SOX5: variants seen among roughly 807,000 people sequenced by gnomAD.
The protein encoded by SOX5 is transcription factor SOX-5.
SOX5 carries 9 observed loss-of-function variants against 92.0 expected under a neutral mutation model. That is an observed-to-expected ratio of 0.10 (90% CI 0.06 to 0.17). The LOEUF (loss-of-function observed/expected upper bound fraction) is 0.17. Ranked by LOEUF, SOX5 falls within the 10% of genes least tolerant of loss-of-function variation. The pLI is 1.00. For missense variants in SOX5, 642 were observed against 944.5 expected, an observed-to-expected ratio of 0.68 and a Z score of 4.20; for synonymous variants, 344 against 336.3, an observed-to-expected ratio of 1.02 and a Z score of -0.25.
At chr12:23,604,366 G>A (rs777632655) in intron 9 of SOX5, 21 bp downstream of exon 9, 1 of 1,612,940 alleles carries the variant, frequency 6.2e-7, no homozygotes, top group Non-Finnish European at 8.5e-7. Flanking sequence ...TGGCAAGACA[G>A]TGGCTTCTTC....
chr12:24,369,296 T>C (rs1365092041), intron 1 of SOX5, among the ~76,000 whole-genome samples: 1 of 152,194 alleles, frequency 6.6e-6, no homozygotes, highest in Non-Finnish European at 1.5e-5. Context: ...CAATGTGATT[T>C]ACAGTGGGTG....
intron 6 of SOX5, among the ~76,000 whole-genome samples, chr12:23,668,037 T>C (rs899296055): frequency 1.3e-5 from 2 of 152,186 alleles, no homozygotes; most frequent in Admixed American, 6.5e-5. Context: ...AACAATTTTG[T>C]TGGTAATTTT....
intron 4 of SOX5, among the ~76,000 whole-genome samples, chr12:24,018,876 T>C (rs1027311514): frequency 3.9e-5 from 6 of 152,190 alleles, no homozygotes; most frequent in African/African-American, 1.4e-4. Flanking sequence ...TTCAGTGTCC[T>C]TTCCTTTAGA....
At chr12:23,748,882 T>C (rs1252008731) in intron 4 of SOX5, among the ~76,000 whole-genome samples, 2 of 151,980 alleles carry the variant, frequency 1.3e-5, no homozygotes, top group Non-Finnish European at 2.9e-5. Flanking sequence ...GGCTATAAGC[T>C]CTAGGAGGGC....
At chr12:24,076,262 C>A (rs969099180) in intron 4 of SOX5, among the ~76,000 whole-genome samples, 1 of 152,102 alleles carries the variant, frequency 6.6e-6, no homozygotes, top group African/African-American at 2.4e-5. Context: ...CCTTGTAAAC[C>A]CACAAAACCC....
chr12:24,290,675 T>C (rs1946521041), intron 2 of SOX5, among the ~76,000 whole-genome samples: 1 of 152,142 alleles, frequency 6.6e-6, no homozygotes. Flanking sequence ...TATAAAGGCA[T>C]GGTCCCTGCT....
chr12:24,348,795 A>G (rs367894642), intron 2 of SOX5, among the ~76,000 whole-genome samples: 1 of 152,088 alleles, frequency 6.6e-6, no homozygotes, highest in African/African-American at 2.4e-5. Context: ...GAAGTAATTG[A>G]ATCATGGGGG....
At chr12:23,992,495 A>G (rs1485092104) in intron 4 of SOX5, among the ~76,000 whole-genome samples, 1 of 152,172 alleles carries the variant, frequency 6.6e-6, no homozygotes, top group African/African-American at 2.4e-5. Flanking sequence ...GTGAATTTCT[A>G]AAATAATAAT....
intron 4 of SOX5, among the ~76,000 whole-genome samples, chr12:24,008,987 A>T (rs1316324599): frequency 2.0e-5 from 3 of 152,222 alleles, no homozygotes; most frequent in Admixed American, 6.5e-5. Context: ...GGAAGAAGTC[A>T]CTTGCCCTGT....
chr12:23,573,125 C>T (rs1948619024), intron 10 of SOX5, among the ~76,000 whole-genome samples: 1 of 152,074 alleles, frequency 6.6e-6, no homozygotes, highest in Admixed American at 6.6e-5. Flanking sequence ...CTATACATGT[C>T]TTTTGCACTT....
chr12:24,562,450 G>C (rs73293674), exon 1 of SOX5: 2,511 of 152,056 alleles, frequency 0.017, 68 homozygotes, highest in African/African-American at 0.058. Flanking sequence ...TTTTCACTCT[G>C]TGTGTGTGTG....
chr12:23,665,327 T>A, intron 7 of SOX5, 117 bp downstream of exon 7: 1 of 1,155,740 alleles, frequency 8.7e-7, no homozygotes, highest in South Asian at 1.3e-5. Flanking sequence ...TGTTTCCTCT[T>A]TAAAATAAAA....
intron 4 of SOX5, among the ~76,000 whole-genome samples, chr12:24,112,654 C>T (rs954759909): frequency 6.6e-6 from 1 of 151,156 alleles, no homozygotes; most frequent in Non-Finnish European, 1.5e-5. Context: ...CTTTAGCCTC[C>T]TGAGTAGCTG....
intron 4 of SOX5, among the ~76,000 whole-genome samples, chr12:23,990,941 C>T (rs1472724737): frequency 1.3e-5 from 2 of 151,608 alleles, no homozygotes; most frequent in Admixed American, 6.6e-5. Context: ...ACTTTTTTTT[C>T]TATGATACTG....
intron 2 of SOX5, among the ~76,000 whole-genome samples, chr12:23,880,936 C>T (rs1272631535): frequency 1.3e-5 from 2 of 152,066 alleles, no homozygotes; most frequent in African/African-American, 4.8e-5. Context: ...GTTTTTTCTA[C>T]CCAAAGTGGC....
chr12:23,681,752 C>G (rs542004529), intron 6 of SOX5, among the ~76,000 whole-genome samples: 1 of 151,692 alleles, frequency 6.6e-6, no homozygotes, highest in Non-Finnish European at 1.5e-5. Context: ...TGCTTCAGCA[C>G]TTTTCAAAAG....
At chr12:24,083,853 C>T (rs1369023418) in intron 4 of SOX5, among the ~76,000 whole-genome samples, 1 of 151,930 alleles carries the variant, frequency 6.6e-6, no homozygotes, top group African/African-American at 2.4e-5. Flanking sequence ...GGAATTAGGG[C>T]AAAATAGGTC....
At position 23,740,360 on chromosome 12, in the gene SOX5, T is replaced by C. The variant is rs187390594; in HGVS notation, c.741+507A>G. Among the ~76,000 whole-genome samples, 12 of 152,336 alleles carry C rather than the reference T, an allele frequency of 7.9e-5. No homozygotes were observed. In the East Asian group the frequency reaches 2.3e-3, roughly 29 times the overall value. On this transcript the variant is annotated intron_variant, in intron 5 of 14. Coordinates refer to ENST00000451604, the MANE Select transcript of SOX5 (RefSeq NM_006940.6). ...ACTAACCATAACTCTTCCACCTGTT[T>C]ATTCCTTTCATCTCTTTGTCCACGG... is the stretch of plus-strand genomic sequence containing the variant.
intron 2 of SOX5, among the ~76,000 whole-genome samples, chr12:24,291,647 T>A (rs1946635777): frequency 6.6e-6 from 1 of 152,250 alleles, no homozygotes; most frequent in South Asian, 2.1e-4. Flanking sequence ...GTTGTAACAC[T>A]TTCTAAGTTA....
Sources: gnomAD v4.1 joint callset for allele counts (sites outside exome capture counted in the v4.1 genomes callset) on GRCh38, gnomAD v4.1.1 for gene constraint, MANE v1.5 for transcripts, NCBI Gene and HGNC (gene_info 2026-07-23, HGNC 2026-07-21) for gene names.